Variants in PPP2R2D observed in about 807,000 individuals in gnomAD.
The protein encoded by PPP2R2D is protein phosphatase 2 regulatory subunit Bdelta.
In PPP2R2D, 9 loss-of-function variants were observed where a neutral mutation model predicts 31.1. The ratio of observed to expected loss-of-function variants is 0.29; its 90% CI spans 0.17 to 0.51. The LOEUF (loss-of-function observed/expected upper bound fraction) is 0.51, where lower values mean the gene tolerates loss of function less well. PPP2R2D is among the 20% of genes least tolerant of loss of function. The pLI is 0.98. For synonymous variants in PPP2R2D, 179 were observed against 172.6 expected, an observed-to-expected ratio of 1.04 and a Z score of -0.29; for missense variants, 391 against 465.6, an observed-to-expected ratio of 0.84 and a Z score of 1.48.
intron 2 of PPP2R2D, among the ~76,000 whole-genome samples, chr10:131,910,822 G>A (rs1163893404): frequency 6.6e-6 from 1 of 152,126 alleles, no homozygotes; most frequent in African/African-American, 2.4e-5. Flanking sequence ...CCCCAACCTC[G>A]GGGAGTGGTG....
Position 131,955,713 on chromosome 10 carries a change from T to A in PPP2R2D, c.1112T>A (p.Phe371Tyr). 6.8e-7 allele frequency: 1 copy of A among 1,481,084 alleles called. No homozygotes were observed. The highest frequency in any genetic ancestry group is 2.5e-5 in the East Asian group (1 of 40,328). 91.7% of individuals were successfully genotyped at this position (1,481,084 alleles called of 1,614,324 possible). Residue 371 changes from phenylalanine (F) to tyrosine (Y), a missense_variant, in exon 9 of 9, where the codon TTC becomes TAC. Physicochemically the swap from Phe to Tyr is conservative, Grantham distance 22 (BLOSUM62 3). This residue lies in a region of PPP2R2D where 163 missense variants were observed against 179.5 expected (regional missense o/e 0.91). Transcript: ENST00000455566. ...SAIMTGSYNN[F>Y]FRMFDRDTRR... ...ATCATGACCGGGTCCTATAACAACTTCTTCAGGATGTTTGATAGAGACACG... is the reference window on the plus strand; with the variant it reads ...ATCATGACCGGGTCCTATAACAACTACTTCAGGATGTTTGATAGAGACACG...
At chr10:131,936,706 A>G (rs910284043) in intron 3 of PPP2R2D, among the ~76,000 whole-genome samples, 1 of 152,254 alleles carries the variant, frequency 6.6e-6, no homozygotes, top group Non-Finnish European at 1.5e-5. Context: ...TGGGTATTAT[A>G]GAGTGTTAAG....
chr10:131,914,782 G>T (rs1008693553), intron 2 of PPP2R2D, among the ~76,000 whole-genome samples: 1 of 152,144 alleles, frequency 6.6e-6, no homozygotes, highest in Admixed American at 6.5e-5. Flanking sequence ...GGGTGACATC[G>T]GGGGTGCCTG....
intron 2 of PPP2R2D, among the ~76,000 whole-genome samples, chr10:131,910,169 G>GT (rs1479444670): frequency 3.9e-5 from 6 of 152,300 alleles, no homozygotes; most frequent in Non-Finnish European, 8.8e-5. Flanking sequence ...AGTCAGTGAC[G>GT]TTTCTGTACT....
At chr10:131,903,932 G>A (rs1293569063) in intron 2 of PPP2R2D, among the ~76,000 whole-genome samples, 1 of 152,094 alleles carries the variant, frequency 6.6e-6, no homozygotes, top group Non-Finnish European at 1.5e-5. Flanking sequence ...GGCTGGGTAC[G>A]GTGACTCACA....
At chr10:131,930,727 G>A (rs1026242698) in intron 2 of PPP2R2D, among the ~76,000 whole-genome samples, 4 of 152,206 alleles carry the variant, frequency 2.6e-5, no homozygotes, top group South Asian at 2.1e-4. Flanking sequence ...GTTGAGATGT[G>A]CGCGGCCTGG....
At chr10:131,936,916 C>G (rs1349033875) in intron 3 of PPP2R2D, among the ~76,000 whole-genome samples, 2 of 152,244 alleles carry the variant, frequency 1.3e-5, no homozygotes, top group Non-Finnish European at 2.9e-5. Flanking sequence ...GTGCCCTTCC[C>G]TGTGGACTTG....
intron 2 of PPP2R2D, among the ~76,000 whole-genome samples, chr10:131,931,240 T>A (rs10159943): frequency 6.6e-6 from 1 of 152,144 alleles, no homozygotes; most frequent in Non-Finnish European, 1.5e-5. Flanking sequence ...CTAGTAAGCA[T>A]TCAGCCAAAC....
chr10:131,928,067 G>C (rs930997293), intron 2 of PPP2R2D, among the ~76,000 whole-genome samples: 1 of 152,204 alleles, frequency 6.6e-6, no homozygotes, highest in Non-Finnish European at 1.5e-5. Flanking sequence ...GAGAGCTGCC[G>C]TGGATACCTG....
chr10:131,936,018 G>A lies in PPP2R2D; in HGVS notation c.198+1463G>A, dbSNP rs548695376. Reference sequence around the variant, plus strand: ...GCAGAGGTTGCGGTGAGCCAAGATCGTGCCATTGCACTCCAGCCTGGGCAA... The same window carrying A: ...GCAGAGGTTGCGGTGAGCCAAGATCATGCCATTGCACTCCAGCCTGGGCAA... On this transcript the variant is annotated intron_variant, in intron 3 of 8. Transcript: ENST00000455566. 1.6e-4 allele frequency among the ~76,000 whole-genome samples: 24 copies of A among 151,856 alleles called. No individual in the cohort carries two copies. In the East Asian group the frequency reaches 3.1e-3, roughly 20 times the overall value.
At chr10:131,940,783 G>A (rs2036427775) in intron 5 of PPP2R2D, 89 bp downstream of exon 5, 1 of 657,084 alleles carries the variant, frequency 1.5e-6, no homozygotes, top group Non-Finnish European at 2.8e-6. Flanking sequence ...GCGCGGTGGA[G>A]TACTGTGAGG....
At chr10:131,925,832 C>T (rs897756957) in intron 2 of PPP2R2D, among the ~76,000 whole-genome samples, 1 of 152,280 alleles carries the variant, frequency 6.6e-6, no homozygotes, top group Non-Finnish European at 1.5e-5. Flanking sequence ...CAGGTTTCCC[C>T]CTCACAAATT....
rs532511987 is a variant in PPP2R2D at position 131,941,076 on chromosome 10, G to A, written c.477+382G>A. Among the ~76,000 whole-genome samples the A allele has an allele frequency of 5.9e-5, 9 of 152,266 alleles. No homozygotes were observed. In the South Asian group the frequency reaches 8.3e-4, roughly 14 times the overall value. Reference sequence around the variant, plus strand: ...GGTGCAGTAGCACAGGTTGCAGGTCGAAAGATGAGCTGTGGGCCACAGGTA... The same window carrying A: ...GGTGCAGTAGCACAGGTTGCAGGTCAAAAGATGAGCTGTGGGCCACAGGTA... On this transcript the variant is annotated intron_variant, in intron 5 of 8. Coordinates refer to ENST00000455566, the MANE Select transcript of PPP2R2D (RefSeq NM_018461.5).
intron 2 of PPP2R2D, among the ~76,000 whole-genome samples, chr10:131,931,707 A>G (rs964762283): frequency 4.6e-5 from 7 of 152,156 alleles, no homozygotes; most frequent in African/African-American, 1.2e-4. Context: ...GTTGGTTTCT[A>G]TTTCTGAGTG....
At chr10:131,941,791 C>T (rs547759910) in intron 5 of PPP2R2D, among the ~76,000 whole-genome samples, 1 of 152,232 alleles carries the variant, frequency 6.6e-6, no homozygotes, top group East Asian at 1.9e-4. Flanking sequence ...GTGGCTACAC[C>T]TGGGGTTGTG....
chr10:131,963,875 G>A (rs1036017304), downstream of PPP2R2D, among the ~76,000 whole-genome samples: 6 of 152,190 alleles, frequency 3.9e-5, no homozygotes, highest in East Asian at 1.2e-3. Flanking sequence ...ACCGTGCAGG[G>A]CTAGTGGCCT....
At chr10:131,938,285 A>G (rs1203877515) in intron 3 of PPP2R2D, among the ~76,000 whole-genome samples, 1 of 152,264 alleles carries the variant, frequency 6.6e-6, no homozygotes, top group Non-Finnish European at 1.5e-5. Flanking sequence ...TAGCATATGT[A>G]CTAAAGTGTT....
intron 2 of PPP2R2D, among the ~76,000 whole-genome samples, chr10:131,918,592 C>T (rs1182122423): frequency 3.2e-5 from 4 of 125,462 alleles, no homozygotes; most frequent in Admixed American, 8.2e-5. Flanking sequence ...GGACCTAACG[C>T]GGGTGGAGTG....
chr10:131,953,589 C>G (rs1554899430), intron 8 of PPP2R2D, among the ~76,000 whole-genome samples: 1 of 134,398 alleles, frequency 7.4e-6, no homozygotes. Flanking sequence ...TTAGCAGTGA[C>G]TTGCGGGTAT....
Sources: gnomAD v4.1 joint callset for allele counts (sites outside exome capture counted in the v4.1 genomes callset) on GRCh38, gnomAD v4.1.1 for gene constraint, gnomAD v4.1.1 regional missense constraint, MANE v1.5 for transcripts, NCBI Gene and HGNC (gene_info 2026-07-23, HGNC 2026-07-21) for gene names.